CLIC5: variants seen among roughly 807,000 people sequenced by gnomAD.
CLIC5 encodes chloride intracellular channel protein 5.
CLIC5 carries 20 observed loss-of-function variants against 24.7 expected under a neutral mutation model. That is an observed-to-expected ratio of 0.81 (90% CI 0.57 to 1.18). The LOEUF (loss-of-function observed/expected upper bound fraction) is 1.18, where lower values mean the gene tolerates loss of function less well. Among genes scored for constraint, CLIC5 ranks in the 50% most tolerant of loss-of-function variants. The pLI is 0.00. For synonymous variants in CLIC5, 159 were observed against 135.6 expected, an observed-to-expected ratio of 1.17 and a Z score of -1.20; for missense variants, 341 against 326.1, an observed-to-expected ratio of 1.05 and a Z score of -0.35.
chr6:45,977,673 C>T (rs1307452900), intron 1 of CLIC5, among the ~76,000 whole-genome samples: 1 of 152,142 alleles, frequency 6.6e-6, no homozygotes, highest in Non-Finnish European at 1.5e-5. Flanking sequence ...AGCTTGCCCA[C>T]CTCCTCTGAC....
At chr6:45,975,477 A>G (rs1414471634) in intron 1 of CLIC5, among the ~76,000 whole-genome samples, 2 of 152,164 alleles carry the variant, frequency 1.3e-5, no homozygotes, top group Admixed American at 1.3e-4. Flanking sequence ...GCCAACAGTG[A>G]CTGTCCAACA....
Position 45,958,112 on chromosome 6 carries a change from G to A in CLIC5, c.64-2868C>T, listed in dbSNP as rs368094959. Among the ~76,000 whole-genome samples the A allele has an allele frequency of 7.0e-4, 107 of 152,106 alleles. 1 individual carries two copies. The highest frequency in any genetic ancestry group is 1.3e-3 in the Non-Finnish European group (89 of 68,038). On this transcript the variant is annotated intron_variant, in intron 1 of 5. Coordinates refer to ENST00000339561, the MANE Select transcript of CLIC5 (RefSeq NM_016929.5). The stretch of plus-strand genomic sequence containing the variant: ...TTGAAGATGAGGTCATATTGGATTA[G>A]AATGGGCTCTAAACATGACTGATGT...
intron 4 of CLIC5, among the ~76,000 whole-genome samples, chr6:45,933,487 C>T (rs1375550700): frequency 6.6e-6 from 1 of 152,208 alleles, no homozygotes; most frequent in Non-Finnish European, 1.5e-5. Flanking sequence ...TGATGAAGGG[C>T]AATGCAATCT....
In CLIC5 at chr6:45,930,621, G is replaced by A. The variant is rs1211132601; in HGVS notation, c.406+10926C>T. 2.6e-5 allele frequency among the ~76,000 whole-genome samples: 4 copies of A among 152,116 alleles called. No individual in the cohort carries two copies. The East Asian group carries it at 7.7e-4, about 29-fold the overall frequency. On this transcript the variant is annotated intron_variant, in intron 4 of 5. Transcript: ENST00000339561. ...ACGATTCCTCTGCCTGCCAGAAGAG[G>A]GCAGCACATGCTTCCTCATTACAGG...
At chr6:45,928,767 A>AGTGTGTGTGTGTGT (rs5875948) in intron 4 of CLIC5, among the ~76,000 whole-genome samples, 2,817 of 144,120 alleles carry the variant, frequency 0.02, 94 homozygotes, top group African/African-American at 0.072. Flanking sequence ...GAAGTGCATA[A>AGTGTGTGTGTGTGT]GTGTGTGTGT....
chr6:46,119,743 C>A, the CLIC5 span, among the ~76,000 whole-genome samples: 2 of 152,238 alleles, frequency 1.3e-5, no homozygotes, highest in Non-Finnish European at 2.9e-5. Context: ...CCTAATACTG[C>A]ACTTTTCTAA....
At chr6:45,893,508 C>T (rs1372318227), downstream of CLIC5, among the ~76,000 whole-genome samples, 2 of 152,182 alleles carry the variant, frequency 1.3e-5, no homozygotes, top group Non-Finnish European at 2.9e-5. Context: ...TTCAGGTTCT[C>T]TTGCTTCACT....
intron 2 of CLIC5, among the ~76,000 whole-genome samples, chr6:45,950,224 G>A (rs564008174): frequency 2.6e-5 from 4 of 152,252 alleles, no homozygotes; most frequent in Non-Finnish European, 4.4e-5. Context: ...GCATATAGGA[G>A]GCCCTCAGTA....
chr6:45,923,999 A>G (rs1763377261), intron 4 of CLIC5, among the ~76,000 whole-genome samples: 1 of 152,166 alleles, frequency 6.6e-6, no homozygotes, highest in South Asian at 2.1e-4. Context: ...TCACCTGCAG[A>G]GGGCTTAGTA....
At position 46,006,778 on chromosome 6, in the gene CLIC5, C is replaced by G. The variant is rs377523139; in HGVS notation, c.63+8702G>C. 4.6e-5 allele frequency among the ~76,000 whole-genome samples: 7 copies of G among 151,306 alleles called. No individual in the cohort carries two copies. In the South Asian group the frequency reaches 8.4e-4, roughly 18 times the overall value. ...GCAACATCCACCTCCCGGGTTCAAG[C>G]GATTCCCCTGCCTCAGTCTCCTAAG... On this transcript the variant is annotated intron_variant, in intron 1 of 5. Coordinates refer to ENST00000339561, the MANE Select transcript of CLIC5 (RefSeq NM_016929.5).
intron 1 of CLIC5, among the ~76,000 whole-genome samples, chr6:45,992,104 C>G (rs931670012): frequency 1.3e-5 from 2 of 152,124 alleles, no homozygotes; most frequent in African/African-American, 4.8e-5. Flanking sequence ...GAGGCAAGCC[C>G]CTTCCCCACT....
At position 45,946,541 on chromosome 6, in the gene CLIC5, C is replaced by T. The variant is rs560454945; in HGVS notation, c.299+2715G>A. Reference sequence around the variant, plus strand: ...GGTATGATGAGAAACACATGGCCGACCAGCGCTTGGTGAATGGTTATGAGG... The same window carrying T: ...GGTATGATGAGAAACACATGGCCGATCAGCGCTTGGTGAATGGTTATGAGG... On this transcript the variant is annotated intron_variant, in intron 3 of 5. Coordinates refer to ENST00000339561, the MANE Select transcript of CLIC5 (RefSeq NM_016929.5). Among the ~76,000 whole-genome samples the T allele has an allele frequency of 5.3e-5, 8 of 152,310 alleles. No homozygotes were observed. In the East Asian group the frequency reaches 1.3e-3, roughly 26 times the overall value.
chr6:45,979,408 G>A (rs1765493742), intron 1 of CLIC5, among the ~76,000 whole-genome samples: 2 of 152,178 alleles, frequency 1.3e-5, no homozygotes, highest in Non-Finnish European at 2.9e-5. Flanking sequence ...TAGCTGAATA[G>A]ATTCCCTGGT....
the CLIC5 span, among the ~76,000 whole-genome samples, chr6:46,094,886 C>A: frequency 6.6e-6 from 1 of 152,226 alleles, no homozygotes; most frequent in African/African-American, 2.4e-5. Flanking sequence ...AATAGAGGTT[C>A]TCCCTGAGGG....
At chr6:45,973,276 G>A (rs1765264334) in intron 1 of CLIC5, among the ~76,000 whole-genome samples, 2 of 152,160 alleles carry the variant, frequency 1.3e-5, no homozygotes, top group African/African-American at 4.8e-5. Flanking sequence ...AGTAAACTGG[G>A]CTCTCTAAAG....
chr6:45,892,250 G>GATGT (rs147895734), intron 6 of CLIC5: 168 of 152,244 alleles, frequency 1.1e-3, no homozygotes, highest in African/African-American at 3.9e-3. Flanking sequence ...TAAGAAAATA[G>GATGT]ATATGGTACA....
chr6:46,077,351 G>C (rs1001641269), intron 1 of CLIC5, among the ~76,000 whole-genome samples: 11 of 151,932 alleles, frequency 7.2e-5, no homozygotes, highest in Non-Finnish European at 1.5e-4. Context: ...GCAGCCCAGT[G>C]GTCCACACTA....
chr6:46,041,838 T>C (rs1264892250), intron 1 of CLIC5, among the ~76,000 whole-genome samples: 2 of 152,218 alleles, frequency 1.3e-5, no homozygotes, highest in African/African-American at 4.8e-5. Flanking sequence ...AGGTAAGATA[T>C]GGCAGAGTGC....
upstream of CLIC5, chr6:46,080,358 C>A: frequency 1.4e-6 from 1 of 740,588 alleles, no homozygotes; most frequent in Non-Finnish European, 2.2e-6. Context: ...TAAAAGGCAG[C>A]AACTAGCAAC....
Sources: allele counts gnomAD v4.1 joint callset (sites outside exome capture counted in the v4.1 genomes callset), GRCh38; gene constraint gnomAD v4.1.1; transcripts MANE v1.5; gene names NCBI Gene and HGNC (gene_info 2026-07-23, HGNC 2026-07-21).